Variants in KCTD1 observed in about 807,000 individuals in gnomAD.
The protein encoded by KCTD1 is BTB/POZ domain-containing protein KCTD1.
A neutral mutation model predicts 66.0 loss-of-function variants in KCTD1; 24 were observed. That is an observed-to-expected ratio of 0.36 (90% CI 0.26 to 0.51). The LOEUF (loss-of-function observed/expected upper bound fraction) is 0.51, where lower values mean the gene tolerates loss of function less well. Ranked by LOEUF, KCTD1 falls within the 20% of genes least tolerant of loss-of-function variation. The pLI is 0.95. For synonymous variants in KCTD1, 511 were observed against 517.2 expected (o/e 0.99, Z 0.16); for missense variants, 943 against 1,205.2 (o/e 0.78, Z 3.22).
intron 1 of KCTD1, among the ~76,000 whole-genome samples, chr18:26,538,394 CT>C (rs938802222): frequency 2.6e-5 from 4 of 151,990 alleles, no homozygotes; most frequent in Non-Finnish European, 4.4e-5. Context: ...CACGGATGGG[CT>C]TTTTTAGGTT....
chr18:26,605,401 C>T (rs1568007344), intron 1 of KCTD1, among the ~76,000 whole-genome samples: 1 of 152,214 alleles, frequency 6.6e-6, no homozygotes, highest in Non-Finnish European at 1.5e-5. Flanking sequence ...TATAGCTTCT[C>T]ACCTGAATTA....
Position 26,476,354 on chromosome 18 carries a change from T to C in KCTD1, c.2133+161A>G, listed in dbSNP as rs1392468197. Among the ~76,000 whole-genome samples, 2 of 152,238 alleles carry C rather than the reference T, an allele frequency of 1.3e-5. No homozygotes were observed. The highest frequency in any genetic ancestry group is 6.5e-5 in the Admixed American group (1 of 15,288). ...CTCTTTAAGTCATGTAGAAGTTTAA[T>C]GGCCATAACCACTATTTCATGAATA... On this transcript the variant is annotated intron_variant, in intron 3 of 4. Coordinates refer to ENST00000580059, the MANE Select transcript of KCTD1 (RefSeq NM_001142730.3). The surrounding 1 kb of genome is among the most constrained non-coding windows in gnomAD (Gnocchi z 4.9).
intron 1 of KCTD1, among the ~76,000 whole-genome samples, chr18:26,540,798 T>G (rs1984940680): frequency 6.6e-6 from 1 of 152,244 alleles, no homozygotes; most frequent in Non-Finnish European, 1.5e-5. Context: ...TGGCAAAGCT[T>G]CTGGTCAACA....
intron 1 of KCTD1, among the ~76,000 whole-genome samples, chr18:26,542,000 G>A (rs1984994550): frequency 6.6e-6 from 1 of 152,126 alleles, no homozygotes; most frequent in South Asian, 2.1e-4. Context: ...TGATCATGTA[G>A]CAAGCAGAGA....
chr18:26,577,858 A>G (rs1845931433), intron 1 of KCTD1, among the ~76,000 whole-genome samples: 1 of 151,996 alleles, frequency 6.6e-6, no homozygotes, highest in South Asian at 2.1e-4. Flanking sequence ...ACAAGTTTGA[A>G]CCAGCATGTG....
chr18:26,505,690 A>G (rs968759309), intron 1 of KCTD1, among the ~76,000 whole-genome samples: 2 of 152,030 alleles, frequency 1.3e-5, no homozygotes, highest in Admixed American at 1.3e-4. Flanking sequence ...CCAAGTAGCT[A>G]GGACTACAAG....
intron 1 of KCTD1, among the ~76,000 whole-genome samples, chr18:26,592,615 C>G (rs946331295): frequency 6.6e-6 from 1 of 152,236 alleles, no homozygotes; most frequent in Admixed American, 6.5e-5. Flanking sequence ...TCTTGCCCTT[C>G]TCTACTCCAA....
intron 1 of KCTD1, among the ~76,000 whole-genome samples, chr18:26,527,425 T>C (rs1012077074): frequency 5.6e-4 from 82 of 145,528 alleles, no homozygotes; most frequent in African/African-American, 2.0e-3. Flanking sequence ...TGTCAAGATC[T>C]TCAAACAGGT....
At chr18:26,613,280 G>T (rs1361301893) in intron 1 of KCTD1, among the ~76,000 whole-genome samples, 1 of 151,934 alleles carries the variant, frequency 6.6e-6, no homozygotes, top group Non-Finnish European at 1.5e-5. Flanking sequence ...TTCCTGTCTT[G>T]TTTTCAAAGA....
chr18:26,540,238 A>G (rs1984912443), intron 1 of KCTD1, among the ~76,000 whole-genome samples: 1 of 152,238 alleles, frequency 6.6e-6, no homozygotes, highest in Admixed American at 6.5e-5. Context: ...TCACAAAGGA[A>G]GCAACATCTG....
At chr18:26,656,760 G>A (rs900659406) in intron 1 of KCTD1, among the ~76,000 whole-genome samples, 3 of 151,154 alleles carry the variant, frequency 2.0e-5, no homozygotes, top group African/African-American at 7.3e-5. Context: ...GGGCGCCGCC[G>A]CCCCCTGCGC....
chr18:26,615,597 C>T (rs1987232437), intron 1 of KCTD1, among the ~76,000 whole-genome samples: 1 of 152,172 alleles, frequency 6.6e-6, no homozygotes, highest in African/African-American at 2.4e-5. Context: ...GCCTCAGTAT[C>T]CTGTCCCCTT....
Position 26,546,864 on chromosome 18 carries a change from C to T in KCTD1, c.1673G>A (p.Arg558His), listed in dbSNP as rs866746973. 6.6e-7 allele frequency: 1 copy of T among 1,506,328 alleles called. No individual in the cohort carries two copies. The highest frequency in any genetic ancestry group is 8.9e-7 in the Non-Finnish European group (1 of 1,127,478). The allele number at this position is 1,506,328 out of a possible 1,614,324, so 93.3% of individuals were successfully genotyped here. A position where few individuals can be genotyped will look rare whatever the true frequency, so the allele number is the denominator to read the frequency against. The change falls in exon 1 of 5, where the codon CGC (arginine) becomes CAC (histidine). Residue 558 changes from arginine to histidine, a missense_variant. Arg to His is a conservative substitution (Grantham distance 29). Around this residue, in one of 10 missense-constraint regions of KCTD1, gnomAD observed 197 missense variants for 182.7 expected, o/e 1.08. Coordinates refer to ENST00000580059, the MANE Select transcript of KCTD1 (RefSeq NM_001142730.3). ...GPTSPKRLCI[R>H]PSEPVDAVVV... is the part of the protein sequence containing the mutation. ...CACCGCATCCACAGGCTCCGAGGGG[C>T]GGATACAAAGTCTTTTGGGGGAAGT...
intron 1 of KCTD1, among the ~76,000 whole-genome samples, chr18:26,539,726 T>C (rs990168964): frequency 1.2e-4 from 19 of 152,186 alleles, no homozygotes; most frequent in African/African-American, 4.3e-4. Flanking sequence ...GCCAGGAATG[T>C]GGAAATAATT....
intron 1 of KCTD1, among the ~76,000 whole-genome samples, chr18:26,637,133 A>G (rs1427998380): frequency 6.6e-6 from 1 of 152,090 alleles, no homozygotes; most frequent in Non-Finnish European, 1.5e-5. Flanking sequence ...CCTAGTTTTC[A>G]AACTGTTTAA....
At chr18:26,591,676 G>A (rs977897085) in intron 1 of KCTD1, 20 of 152,248 alleles carry the variant, frequency 1.3e-4, no homozygotes, top group African/African-American at 4.3e-4. Flanking sequence ...CATACACAGA[G>A]TAAGCTGTAC....
intron 1 of KCTD1, among the ~76,000 whole-genome samples, chr18:26,656,233 C>T (rs1988134464): frequency 6.6e-6 from 1 of 152,096 alleles, no homozygotes; most frequent in African/African-American, 2.4e-5. Flanking sequence ...TGACTTGGCG[C>T]TGACCGCAGC....
rs568278160 is a variant in KCTD1, at chr18:26,468,031, A to G, written c.2134-8106T>C. On this transcript the variant is annotated intron_variant, in intron 3 of 4. Transcript: ENST00000580059. This position sits in a 1 kb window ranked among gnomAD's most constrained non-coding sequence, Gnocchi z 4.8. Reference sequence around the variant, plus strand: ...GGCTACAGAGAGAGAGAGAGAGAGAAAGAGAGAATTGTGTGGTTCTCCATA... The same window carrying G: ...GGCTACAGAGAGAGAGAGAGAGAGAGAGAGAGAATTGTGTGGTTCTCCATA... Among the ~76,000 whole-genome samples, 74 of 151,336 alleles carry G rather than the reference A, an allele frequency of 4.9e-4. 1 individual carries two copies. The highest frequency in any genetic ancestry group is 1.7e-3 in the South Asian group (8 of 4,802).
At chr18:26,579,504 A>AG (rs774743406) in intron 1 of KCTD1, among the ~76,000 whole-genome samples, 4 of 152,154 alleles carry the variant, frequency 2.6e-5, no homozygotes, top group African/African-American at 7.2e-5. Context: ...ATTTAGATAA[A>AG]GTTAGGGTTT....
Sources: allele counts gnomAD v4.1 joint callset (sites outside exome capture counted in the v4.1 genomes callset), GRCh38; gene constraint gnomAD v4.1.1; regional missense constraint gnomAD v4.1.1; non-coding constraint Gnocchi (gnomAD v3.1); transcripts MANE v1.5; gene names NCBI Gene and HGNC (gene_info 2026-07-23, HGNC 2026-07-21).